The following BLOC1S3 variants were observed in gnomAD, a reference collection of about 807,000 sequenced individuals.
BLOC1S3 encodes biogenesis of lysosome-related organelles complex 1 subunit 3.
BLOC1S3 carries 7 observed loss-of-function variants against 9.1 expected under a neutral mutation model. The observed-to-expected ratio is 0.77, with a 90% CI of 0.44 to 1.45. The LOEUF is 1.45. Ranked by LOEUF, BLOC1S3 falls within the 40% of genes most tolerant of loss-of-function variation. BLOC1S3 has a pLI of 0.01. For missense variants in BLOC1S3, 307 were observed against 315.2 expected (o/e 0.97, Z 0.20); for synonymous variants, 145 against 158.4 (o/e 0.92, Z 0.64).
At chr19:45,178,858 C>T (rs907519636) in intron 1 of BLOC1S3, 27 bp downstream of exon 1, 1 of 165,776 alleles carries the variant, frequency 6.0e-6, no homozygotes, top group Admixed American at 6.4e-5. Context: ...TAGCGCTTCT[C>T]CCATCCCATG....
At chr19:45,191,560 C>T (rs1365576216) in intron 2 of BLOC1S3, among the ~76,000 whole-genome samples, 1 of 152,220 alleles carries the variant, frequency 6.6e-6, no homozygotes, top group East Asian at 1.9e-4. Flanking sequence ...ACTCATCCTT[C>T]TTTGGAAGGC....
At chr19:45,191,186 G>A (rs545214725) in intron 2 of BLOC1S3, among the ~76,000 whole-genome samples, 1 of 150,674 alleles carries the variant, frequency 6.6e-6, no homozygotes, top group East Asian at 2.0e-4. Context: ...GCAATGGCAC[G>A]ATCTCGGCTC....
chr19:45,215,824 C>T (rs866462462), intron 3 of BLOC1S3, among the ~76,000 whole-genome samples: 1 of 152,232 alleles, frequency 6.6e-6, no homozygotes, highest in African/African-American at 2.4e-5. Flanking sequence ...CCTGCGCCCC[C>T]CTGCCCTGGG....
intron 3 of BLOC1S3, chr19:45,215,952 G>GCCGTCAGACACGCTCACC: frequency 7.2e-7 from 1 of 1,396,616 alleles, no homozygotes; most frequent in East Asian, 2.4e-5. Flanking sequence ...GCAGGAAACG[G>GCCGTCAGACACGCTCACC]CCGTCAGACA....
At chr19:45,185,441 C>T (rs1430981344), downstream of BLOC1S3, among the ~76,000 whole-genome samples, 2 of 152,114 alleles carry the variant, frequency 1.3e-5, no homozygotes, top group Middle Eastern at 3.2e-3. Context: ...GATGGGCACT[C>T]GGTCCCACAT....
intron 2 of BLOC1S3, among the ~76,000 whole-genome samples, chr19:45,199,703 C>T (rs1969675446): frequency 6.6e-6 from 1 of 150,888 alleles, no homozygotes; most frequent in South Asian, 2.1e-4. Context: ...CTCTTCTGTT[C>T]TCTTCTCTTC....
At chr19:45,213,967 AG>A (rs1336039878) in intron 3 of BLOC1S3, among the ~76,000 whole-genome samples, 2 of 151,944 alleles carry the variant, frequency 1.3e-5, no homozygotes, top group Non-Finnish European at 2.9e-5. Flanking sequence ...AGTAAAAAAA[AG>A]AAAGAAACCT....
chr19:45,197,005 G>C (rs1326030338), intron 2 of BLOC1S3, among the ~76,000 whole-genome samples: 9 of 152,080 alleles, frequency 5.9e-5, no homozygotes, highest in South Asian at 2.1e-4. Context: ...CAGGGGGTAT[G>C]GTCCCACAGG....
chr19:45,199,237 T>C (rs1969671028), intron 2 of BLOC1S3, among the ~76,000 whole-genome samples: 1 of 151,922 alleles, frequency 6.6e-6, no homozygotes. Flanking sequence ...CTCTACTTTC[T>C]CTTTACGGCC....
chr19:45,206,565 C>T (rs551079380), intron 3 of BLOC1S3, among the ~76,000 whole-genome samples: 410 of 146,872 alleles, frequency 2.8e-3, no homozygotes, highest in Middle Eastern at 0.014. Flanking sequence ...AAGTGATCCT[C>T]CTACCACAGC....
chr19:45,184,574 C>T (rs1025799516), downstream of BLOC1S3, among the ~76,000 whole-genome samples: 10 of 151,928 alleles, frequency 6.6e-5, no homozygotes, highest in Non-Finnish European at 1.3e-4. Context: ...CCATTGCACT[C>T]GAGCCTGGGC....
At position 45,179,141 on chromosome 19, in the gene BLOC1S3, A is replaced by T; in HGVS notation, c.-9-147A>T. The stretch of plus-strand genomic sequence containing the variant: ...AGTAACCCCCATCATCACCCAGTTT[A>T]CAGAAGAGGAAACTGAGGCCCAGAC... On this transcript the variant is annotated intron_variant, in intron 1 of 1. Coordinates refer to ENST00000433642, the MANE Select transcript of BLOC1S3 (RefSeq NM_212550.5). This position sits in a 1 kb window ranked among gnomAD's most constrained non-coding sequence, Gnocchi z 4.6. The T allele has an allele frequency of 1.2e-6, 1 of 857,902 alleles. No homozygotes were observed. 53.1% of individuals were successfully genotyped at this position (857,902 alleles called of 1,614,324 possible). A position where few individuals can be genotyped will look rare whatever the true frequency, so the allele number is the denominator to read the frequency against.
At chr19:45,186,917 T>G (rs922974937), upstream of BLOC1S3, among the ~76,000 whole-genome samples, 7 of 152,228 alleles carry the variant, frequency 4.6e-5, no homozygotes, top group African/African-American at 1.7e-4. Context: ...AATTTTGTTT[T>G]TCTCTGGCAC....
chr19:45,213,311 T>C, intron 3 of BLOC1S3: 1 of 1,613,698 alleles, frequency 6.2e-7, no homozygotes, highest in Non-Finnish European at 8.5e-7. Context: ...CGGGCGGCTG[T>C]GTTGCGCAGG....
At chr19:45,206,574 G>A (rs567177926) in intron 3 of BLOC1S3, among the ~76,000 whole-genome samples, 7 of 145,040 alleles carry the variant, frequency 4.8e-5, no homozygotes, top group African/African-American at 1.8e-4. Context: ...TCCTACCACA[G>A]CCTCTCCAGT....
In BLOC1S3 at chr19:45,209,972, C is replaced by A. The variant is rs146012224; in HGVS notation, n.283-6704C>A. ...GTCTCCATCTCCTGACCTCGTGATCCGCCCACCTCAGCCACCTCCCAAAGT... is the reference window on the plus strand; with the variant it reads ...GTCTCCATCTCCTGACCTCGTGATCAGCCCACCTCAGCCACCTCCCAAAGT... On this transcript the variant is annotated intron_variant and non_coding_transcript_variant, in intron 3 of 3. Coordinates refer to the BLOC1S3 transcript ENST00000591569. Among the ~76,000 whole-genome samples the A allele has an allele frequency of 7.3e-3, 1,105 of 151,976 alleles. 10 individuals carry two copies. Among genetic ancestry groups the A allele is most frequent in the African/African-American group, 0.026 (1,058 of 41,460 alleles).
At chr19:45,189,822 T>C (rs1488205015) in intron 2 of BLOC1S3, among the ~76,000 whole-genome samples, 1 of 152,056 alleles carries the variant, frequency 6.6e-6, no homozygotes, top group African/African-American at 2.4e-5. Flanking sequence ...TTTGGGAAGT[T>C]CTGTGTTATT....
chr19:45,206,572 C>T (rs1030762158), intron 3 of BLOC1S3, among the ~76,000 whole-genome samples: 4 of 146,776 alleles, frequency 2.7e-5, no homozygotes, highest in Middle Eastern at 3.5e-3. Flanking sequence ...CCTCCTACCA[C>T]AGCCTCTCCA....
chr19:45,183,047 G>A (rs1969538178), downstream of BLOC1S3, among the ~76,000 whole-genome samples: 1 of 152,266 alleles, frequency 6.6e-6, no homozygotes, highest in East Asian at 1.9e-4. Context: ...GAGGCAGAAG[G>A]GAAAGGGACC....
Sources: allele counts gnomAD v4.1 joint callset (sites outside exome capture counted in the v4.1 genomes callset), GRCh38; gene constraint gnomAD v4.1.1; non-coding constraint Gnocchi (gnomAD v3.1); transcripts MANE v1.5; gene names NCBI Gene and HGNC (gene_info 2026-07-23, HGNC 2026-07-21).